R3HDM1: variants seen among roughly 807,000 people sequenced by gnomAD.
The protein encoded by R3HDM1 is R3H domain containing 1.
R3HDM1 carries 46 observed loss-of-function variants against 141.1 expected under a neutral mutation model. That is an observed-to-expected ratio of 0.33 (90% CI 0.26 to 0.42). R3HDM1 has a LOEUF of 0.42. Among genes scored for constraint, R3HDM1 ranks in the 10% least tolerant of loss-of-function variants. The probability of loss-of-function intolerance (pLI) is 1.00; values close to 1 mark genes in which losing one functional copy is unlikely to be tolerated. For missense variants in R3HDM1, 1,184 were observed against 1,368.3 expected, an observed-to-expected ratio of 0.87 and a Z score of 2.12; for synonymous variants, 435 against 472.9, an observed-to-expected ratio of 0.92 and a Z score of 1.04.
intron 1 of R3HDM1, among the ~76,000 whole-genome samples, chr2:135,562,867 C>G (rs893759998): frequency 6.6e-6 from 1 of 152,178 alleles, no homozygotes; most frequent in African/African-American, 2.4e-5. Context: ...CCTTTTATTT[C>G]ATTTCTTATG....
At chr2:135,704,643 G>T (rs890873647) in intron 21 of R3HDM1, among the ~76,000 whole-genome samples, 3 of 151,914 alleles carry the variant, frequency 2.0e-5, no homozygotes, top group South Asian at 4.2e-4. Flanking sequence ...GCTAGTTTTT[G>T]TATTTTTAGC....
In R3HDM1 at chr2:135,577,091, A is replaced by G. The variant is rs895128904; in HGVS notation, c.-249-25409A>G. 1.1e-5 allele frequency: 10 copies of G among 947,584 alleles called. No individual in the cohort carries two copies. In the African/African-American group the frequency reaches 1.8e-4, roughly 17 times the overall value. 58.7% of individuals were successfully genotyped at this position (947,584 alleles called of 1,614,324 possible). ...AGGTTAAGAATCTAAATGTTTAAAG[A>G]GAGAGAAAAAAAGACCATATAAGAA... On this transcript the variant is annotated intron_variant, in intron 1 of 26. Coordinates refer to ENST00000683871, the MANE Select transcript of R3HDM1 (RefSeq NM_001378107.1).
intron 19 of R3HDM1, among the ~76,000 whole-genome samples, chr2:135,668,431 T>C (rs1341157410): frequency 6.6e-6 from 1 of 152,244 alleles, no homozygotes; most frequent in Non-Finnish European, 1.5e-5. Flanking sequence ...ATAAAACATT[T>C]CATCATGATT....
At chr2:135,585,937 A>G (rs1335670745) in intron 1 of R3HDM1, among the ~76,000 whole-genome samples, 1 of 152,242 alleles carries the variant, frequency 6.6e-6, no homozygotes, top group Non-Finnish European at 1.5e-5. Flanking sequence ...TGTCACAGGA[A>G]GTTAGCTATT....
At chr2:135,583,202 C>G (rs1472578085) in intron 1 of R3HDM1, among the ~76,000 whole-genome samples, 2 of 152,138 alleles carry the variant, frequency 1.3e-5, no homozygotes, top group South Asian at 2.1e-4. Context: ...ACCGGTCTCT[C>G]TAGTCTTCTG....
In R3HDM1 at chr2:135,715,557, C is replaced by G. The variant is rs764951918; in HGVS notation, c.2744C>G (p.Pro915Arg). 3 of 1,613,566 alleles carry G rather than the reference C, an allele frequency of 1.9e-6. No homozygotes were observed. The highest frequency in any genetic ancestry group is 2.5e-6 in the Non-Finnish European group (3 of 1,179,862). The change falls in exon 24 of 27, where the codon CCT becomes CGT. Residue 915 changes from proline to arginine, a missense_variant. By Grantham distance (103) the Pro-to-Arg change is moderately radical. This residue lies in a region of R3HDM1 where 563 missense variants were observed against 562.0 expected (regional missense o/e 1.00). Transcript: ENST00000683871. ...SSVDNIVQHS[P>R]QLSSPIISPA... Reference sequence around the variant, plus strand: ...GACGTATTGTAATTGCAGCACAGCCCTCAACTCAGTAGCCCCATTATTTCA... The same window carrying G: ...GACGTATTGTAATTGCAGCACAGCCGTCAACTCAGTAGCCCCATTATTTCA...
chr2:135,699,628 A>G (rs1181836236), intron 21 of R3HDM1, among the ~76,000 whole-genome samples: 1 of 152,220 alleles, frequency 6.6e-6, no homozygotes, highest in Non-Finnish European at 1.5e-5. Flanking sequence ...TTATCAGAGT[A>G]GAAGAATGTT....
intron 9 of R3HDM1, among the ~76,000 whole-genome samples, chr2:135,635,649 A>C (rs998505374): frequency 1.3e-5 from 2 of 152,230 alleles, no homozygotes; most frequent in Admixed American, 1.3e-4. Flanking sequence ...TTTGAATCCA[A>C]GCGGACTGAC....
chr2:135,681,243 C>G (rs2070247470), intron 21 of R3HDM1, among the ~76,000 whole-genome samples: 1 of 152,134 alleles, frequency 6.6e-6, no homozygotes, highest in Non-Finnish European at 1.5e-5. Flanking sequence ...CCAAGCAAGT[C>G]CATTCTGCCT....
At chr2:135,681,535 T>C (rs1191630880) in intron 21 of R3HDM1, among the ~76,000 whole-genome samples, 3 of 152,130 alleles carry the variant, frequency 2.0e-5, no homozygotes, top group Non-Finnish European at 4.4e-5. Context: ...GAAAATGTGA[T>C]TGATGGGTGG....
intron 1 of R3HDM1, among the ~76,000 whole-genome samples, chr2:135,571,487 G>A (rs993595192): frequency 1.3e-5 from 2 of 151,424 alleles, no homozygotes; most frequent in Admixed American, 6.6e-5. Context: ...CACCACACCC[G>A]GCTTATTTTT....
chr2:135,649,924 C>A lies in R3HDM1; in HGVS notation c.1646C>A (p.Ser549Tyr). 7.7e-7 allele frequency: 1 copy of A among 1,291,082 alleles called. No homozygotes were observed. The highest frequency in any genetic ancestry group is 1.3e-5 in the South Asian group (1 of 77,822). The allele number at this position is 1,291,082 out of a possible 1,614,324, so 80.0% of individuals were successfully genotyped here. The change falls in exon 17 of 27, where the codon TCT (serine) becomes TAT (tyrosine). Residue 549 changes from serine to tyrosine, a missense_variant. By Grantham distance (144) the Ser-to-Tyr change is moderately radical (BLOSUM62 -2). Around this residue, in one of 5 missense-constraint regions of R3HDM1, gnomAD observed 563 missense variants for 562.0 expected, o/e 1.00. Coordinates refer to ENST00000683871, the MANE Select transcript of R3HDM1 (RefSeq NM_001378107.1). ...FSQPVHPLQS[S>Y]SQPVQYSTAP... Reference sequence around the variant, plus strand: ...TAGCCTGTTCATCCTCTGCAGTCCTCTTCACAGCCTGTTCAGTACTCTACA... The same window carrying A: ...TAGCCTGTTCATCCTCTGCAGTCCTATTCACAGCCTGTTCAGTACTCTACA...
intron 11 of R3HDM1, among the ~76,000 whole-genome samples, chr2:135,636,790 TAAAAA>T (rs150234601): frequency 6.7e-5 from 9 of 134,328 alleles, no homozygotes; most frequent in Non-Finnish European, 1.1e-4. Context: ...TCCTCTGTGT[TAAAAA>T]AAAAAAAAAA....
chr2:135,616,241 T>A, intron 4 of R3HDM1, 48 bp downstream of exon 4: 1 of 1,532,430 alleles, frequency 6.5e-7, no homozygotes, highest in Non-Finnish European at 9.0e-7. Context: ...CCTTCCTTCA[T>A]GCTTGATGAA....
intron 1 of R3HDM1, among the ~76,000 whole-genome samples, chr2:135,572,654 G>T (rs758948454): frequency 6.6e-6 from 1 of 152,210 alleles, no homozygotes; most frequent in Non-Finnish European, 1.5e-5. Context: ...AGTCAACCCA[G>T]ATATATAGGC....
chr2:135,712,168 A>G (rs1305802852), intron 23 of R3HDM1, among the ~76,000 whole-genome samples: 1 of 152,094 alleles, frequency 6.6e-6, no homozygotes, highest in African/African-American at 2.4e-5. Flanking sequence ...GAAATTTTAT[A>G]GAATTAAAAG....
chr2:135,531,859 G>A (rs1574287773), intron 1 of R3HDM1: 3 of 985,024 alleles, frequency 3.0e-6, no homozygotes, highest in Non-Finnish European at 3.6e-6. Context: ...GAGTGAGCCA[G>A]GCTCGCCTGG....
chr2:135,672,287 C>T (rs1438303), intron 19 of R3HDM1, among the ~76,000 whole-genome samples: 31,902 of 152,130 alleles, frequency 0.21, 3,889 homozygotes, highest in East Asian at 0.45. Context: ...TATCACTCTT[C>T]TATGTGTAAA....
At chr2:135,684,901 C>T in intron 21 of R3HDM1, among the ~76,000 whole-genome samples, 1 of 151,888 alleles carries the variant, frequency 6.6e-6, no homozygotes, top group East Asian at 1.9e-4. Flanking sequence ...TAGCTGGGAC[C>T]ACAGGCACGC....
Sources: allele counts gnomAD v4.1 joint callset (sites outside exome capture counted in the v4.1 genomes callset), GRCh38; gene constraint gnomAD v4.1.1; regional missense constraint gnomAD v4.1.1; transcripts MANE v1.5; gene names NCBI Gene and HGNC (gene_info 2026-07-23, HGNC 2026-07-21).